The following ACOT12 variants were observed in gnomAD, a reference collection of about 807,000 sequenced individuals.
ACOT12 encodes acetyl-coenzyme A thioesterase.
A neutral mutation model predicts 67.7 loss-of-function variants in ACOT12; 51 were observed. The ratio of observed to expected loss-of-function variants is 0.75; its 90% CI spans 0.60 to 0.95. The LOEUF (loss-of-function observed/expected upper bound fraction) is 0.95. Among genes scored for constraint, ACOT12 ranks in the 40% least tolerant of loss-of-function variants. The pLI is 0.00. For synonymous variants in ACOT12, 251 were observed against 244.6 expected (o/e 1.03, Z -0.24); for missense variants, 734 against 708.1 (o/e 1.04, Z -0.41).
chr5:81,365,765 G>A (rs188832040), intron 3 of ACOT12, among the ~76,000 whole-genome samples: 2 of 152,308 alleles, frequency 1.3e-5, no homozygotes, highest in East Asian at 1.9e-4. Flanking sequence ...AGAGCACTGC[G>A]TTCCCAGGTT....
Position 81,359,959 on chromosome 5 carries a change from C to A in ACOT12, c.440G>T (p.Arg147Leu). The change falls in exon 5 of 15, where the codon CGA becomes CTA. Residue 147 changes from arginine (R) to leucine (L), a missense_variant. By Grantham distance (102) the Arg-to-Leu change is moderately radical. Coordinates refer to ENST00000307624, the MANE Select transcript of ACOT12 (RefSeq NM_130767.3). ...GTTAAAGGTATCTTCATGTTGTAAT[C>A]GAACTTTCCTTCTCTCAGCAGCCAG... ...HNLAAERRKV[R>L]LQHEDTFNNL... 6.2e-7 allele frequency: 1 copy of A among 1,612,536 alleles called. No individual in the cohort carries two copies. Among genetic ancestry groups the A allele is most frequent in the Non-Finnish European group, 8.5e-7 (1 of 1,179,600 alleles).
At chr5:81,370,648 C>A (rs1174874058) in intron 3 of ACOT12, among the ~76,000 whole-genome samples, 1 of 152,112 alleles carries the variant, frequency 6.6e-6, no homozygotes, top group Non-Finnish European at 1.5e-5. Context: ...GGTAGGAGAG[C>A]AGCATGAACA....
chr5:81,371,250 TTTG>T (rs1310918263), intron 3 of ACOT12, among the ~76,000 whole-genome samples: 2 of 152,232 alleles, frequency 1.3e-5, no homozygotes, highest in Admixed American at 6.5e-5. Flanking sequence ...GTTGGTTTTT[TTTG>T]TTGTTGTTGT....
the ACOT12 span, among the ~76,000 whole-genome samples, chr5:81,321,549 AC>A: frequency 2.6e-5 from 4 of 151,918 alleles, no homozygotes; most frequent in Non-Finnish European, 5.9e-5. Context: ...GTTTAAAAAA[AC>A]AAACAAACAA....
intron 1 of ACOT12, among the ~76,000 whole-genome samples, chr5:81,388,987 C>G (rs1760799586): frequency 1.3e-5 from 2 of 152,216 alleles, no homozygotes; most frequent in South Asian, 4.1e-4. Context: ...CCACATGGAA[C>G]TGTGAGTCCG....
intron 11 of ACOT12, among the ~76,000 whole-genome samples, chr5:81,339,705 C>T (rs1759127342): frequency 6.6e-6 from 1 of 152,332 alleles, no homozygotes; most frequent in Non-Finnish European, 1.5e-5. Flanking sequence ...TATTCTTCAG[C>T]TGTTTCACAT....
At chr5:81,352,841 A>G (rs1372523393) in intron 5 of ACOT12, among the ~76,000 whole-genome samples, 1 of 152,216 alleles carries the variant, frequency 6.6e-6, no homozygotes, top group Non-Finnish European at 1.5e-5. Flanking sequence ...TATTTCATGT[A>G]TCCCATAAAT....
intron 11 of ACOT12, among the ~76,000 whole-genome samples, chr5:81,340,092 C>T (rs1386439760): frequency 6.6e-6 from 1 of 151,590 alleles, no homozygotes; most frequent in Non-Finnish European, 1.5e-5. Context: ...GGCTGGAGTG[C>T]AGCTGCACAA....
At chr5:81,347,122 A>C (rs537648030) in intron 6 of ACOT12, among the ~76,000 whole-genome samples, 1 of 152,322 alleles carries the variant, frequency 6.6e-6, no homozygotes, top group East Asian at 1.9e-4. Context: ...AAGGTTTGTA[A>C]CTAACTGACT....
At chr5:81,376,087 A>G (rs1230469779) in intron 2 of ACOT12, among the ~76,000 whole-genome samples, 1 of 152,186 alleles carries the variant, frequency 6.6e-6, no homozygotes, top group Non-Finnish European at 1.5e-5. Flanking sequence ...ACATAATTGG[A>G]GGTAAAACAC....
intron 5 of ACOT12, among the ~76,000 whole-genome samples, chr5:81,357,807 A>C (rs745427252): frequency 1.3e-5 from 2 of 152,098 alleles, no homozygotes; most frequent in Non-Finnish European, 2.9e-5. Context: ...GGAGTTCAAG[A>C]CCAGCCTGGC....
intron 5 of ACOT12, among the ~76,000 whole-genome samples, chr5:81,355,159 T>C (rs1464110084): frequency 6.6e-6 from 1 of 152,232 alleles, no homozygotes; most frequent in African/African-American, 2.4e-5. Flanking sequence ...ATTCCTCCTG[T>C]GGAGGGGACC....
chr5:81,387,851 T>C (rs1760772109), intron 1 of ACOT12, among the ~76,000 whole-genome samples: 2 of 152,344 alleles, frequency 1.3e-5, no homozygotes, highest in East Asian at 3.9e-4. Flanking sequence ...GGCTGAGTTA[T>C]CAATTTTGAA....
intron 11 of ACOT12, among the ~76,000 whole-genome samples, chr5:81,340,481 C>T (rs953212448): frequency 2.6e-5 from 4 of 152,284 alleles, no homozygotes; most frequent in African/African-American, 9.6e-5. Flanking sequence ...CCTGTCTCAG[C>T]CTCCCAAATA....
At chr5:81,377,860 T>A (rs561312522) in intron 2 of ACOT12, among the ~76,000 whole-genome samples, 1 of 152,288 alleles carries the variant, frequency 6.6e-6, no homozygotes, top group Admixed American at 6.5e-5. Context: ...TGGGAAAATA[T>A]TCCCTGCTCA....
chr5:81,385,846 A>C lies in ACOT12; in HGVS notation c.128-20T>G. 6.2e-7 allele frequency: 1 copy of C among 1,610,750 alleles called. No homozygotes were observed. The highest frequency in any genetic ancestry group is 8.5e-7 in the Non-Finnish European group (1 of 1,177,442). The stretch of plus-strand genomic sequence containing the variant: ...TCTCAGCTTCAAAAAATACATAAAA[A>C]TGTGCTGCTTTAGTGGTGATATGAG... On this transcript the variant is annotated intron_variant, in intron 1 of 14. Coordinates refer to ENST00000307624, the MANE Select transcript of ACOT12 (RefSeq NM_130767.3).
intron 2 of ACOT12, among the ~76,000 whole-genome samples, chr5:81,384,117 C>CTTTTTT (rs35675731): frequency 3.4e-5 from 4 of 118,692 alleles, no homozygotes; most frequent in Non-Finnish European, 5.1e-5. Context: ...CATAGGTGTA[C>CTTTTTT]TTTTTTTTTT....
At chr5:81,360,404 T>C (rs923357479) in intron 4 of ACOT12, among the ~76,000 whole-genome samples, 4 of 148,392 alleles carry the variant, frequency 2.7e-5, no homozygotes, top group Admixed American at 6.7e-5. Flanking sequence ...TTTGCAAAAT[T>C]AAGAAAGCAA....
At chr5:81,346,155 C>T in intron 6 of ACOT12, 151 bp from the exon 7 acceptor site, 1 of 1,227,010 alleles carries the variant, frequency 8.1e-7, no homozygotes, top group Non-Finnish European at 1.1e-6. Context: ...CTGCACGCTA[C>T]CTGCCAATAT....
Sources: allele counts gnomAD v4.1 joint callset (sites outside exome capture counted in the v4.1 genomes callset), GRCh38; gene constraint gnomAD v4.1.1; transcripts MANE v1.5; gene names NCBI Gene and HGNC (gene_info 2026-07-23, HGNC 2026-07-21).